ZNF850: variants seen among roughly 807,000 people sequenced by gnomAD.
ZNF850 encodes the protein putative zinc finger protein ENSP00000330994.
Under a neutral mutation model 11.9 loss-of-function variants are expected in ZNF850, and 2 were observed. The ratio of observed to expected loss-of-function variants is 0.17; its 90% CI spans 0.07 to 0.53. The LOEUF (loss-of-function observed/expected upper bound fraction) is 0.53, where lower values mean the gene tolerates loss of function less well. Among genes scored for constraint, ZNF850 ranks in the 20% least tolerant of loss-of-function variants. ZNF850 has a pLI of 0.94. For missense variants in ZNF850, 1,014 were observed against 1,316.4 expected, an observed-to-expected ratio of 0.77 and a Z score of 3.55; for synonymous variants, 381 against 443.0, an observed-to-expected ratio of 0.86 and a Z score of 1.76.
Position 36,751,065 on chromosome 19 carries a change from T to TAAAA in ZNF850, c.236-265_236-262dup, listed in dbSNP as rs34721047. 2.4e-3 allele frequency among the ~76,000 whole-genome samples: 219 copies of TAAAA among 89,388 alleles called. 2 individuals are homozygous for TAAAA. Among genetic ancestry groups the TAAAA allele is most frequent in the African/African-American group, 7.8e-3 (178 of 22,944 alleles). 58.6% of individuals were successfully genotyped at this position (89,388 alleles called of 152,430 possible). A position where few individuals can be genotyped will look rare whatever the true frequency, so the allele number is the denominator to read the frequency against. On this transcript the variant is annotated intron_variant, in intron 4 of 4. Coordinates refer to ENST00000591344, the MANE Select transcript of ZNF850 (RefSeq NM_001193552.2). Reference sequence around the variant, plus strand: ...TGGGCCACAGAGCAAGACCCTGTCTTAAAAAAAAAAAAAAAAAAAAAAAGA... The same window carrying TAAAA: ...TGGGCCACAGAGCAAGACCCTGTCTTAAAAAAAAAAAAAAAAAAAAAAAAAAAGA...
chr19:36,749,554 G>C lies in ZNF850; in HGVS notation c.1486C>G (p.Gln496Glu). ...GGTTTCTCACCAGTGTGGATTCGCT[G>C]GTGTCGATTGCGTGTTGAGCGAAAA... ...FTFRSTRNRH[Q>E]RIHTGEKPYN... The change falls in exon 5 of 5, where the codon CAG becomes GAG. Residue 496 changes from glutamine (Q) to glutamate (E), a missense_variant. Coordinates refer to ENST00000591344, the MANE Select transcript of ZNF850 (RefSeq NM_001193552.2). The C allele has an allele frequency of 6.5e-7, 1 of 1,546,184 alleles. No homozygotes were observed. Among genetic ancestry groups the C allele is most frequent in the Non-Finnish European group, 8.7e-7 (1 of 1,150,942 alleles).
chr19:36,759,428 T>C (rs2040505616), intron 4 of ZNF850, among the ~76,000 whole-genome samples: 1 of 152,078 alleles, frequency 6.6e-6, no homozygotes, highest in African/African-American at 2.4e-5. Context: ...TGAGCTGTGA[T>C]TGTGCCACCG....
rs1391994381 is a variant in ZNF850, at chr19:36,749,818, A to G, written c.1222T>C (p.Leu408=). The G allele has an allele frequency of 6.6e-7, 1 of 1,514,046 alleles. No individual in the cohort carries two copies. The highest frequency in any genetic ancestry group is 8.8e-7 in the Non-Finnish European group (1 of 1,133,458). 93.8% of individuals were successfully genotyped at this position (1,514,046 alleles called of 1,614,324 possible). ...GTGTGAATTGCCTGGTGTCCAATTA[A>G]CCCTGAGCGAAAAGTAAAAGATTTC... ...CGKSFTFRSG[L]IGHQAIHTGE... Residue 408 remains leucine, a synonymous_variant, in exon 5 of 5, where the codon TTA becomes CTA. Transcript: ENST00000591344.
Position 36,748,096 on chromosome 19 carries a change from C to CATAAGGT in ZNF850, c.2937_2943dup (p.Glu982ThrfsTer3), listed in dbSNP as rs753292124. On this transcript the variant is annotated frameshift_variant, in exon 5 of 5. Coordinates refer to ENST00000591344, the MANE Select transcript of ZNF850 (RefSeq NM_001193552.2). LOFTEE classifies it low-confidence loss of function (END_TRUNC). ...AAAGATTTCCCACATTCTTTACATT[C>CATAAGGT]ATAAGGTCTGTCACCGGTATGAATT... 1.9e-6 allele frequency: 3 copies of CATAAGGT among 1,551,054 alleles called. No homozygotes were observed. The South Asian group carries it at 3.5e-5, about 18-fold the overall frequency.
Position 36,744,316 on chromosome 19 carries a change from A to G in ZNF850, c.*3451T>C, listed in dbSNP as rs1340793976. 6.6e-6 allele frequency: 1 copy of G among 152,188 alleles called. No individual in the cohort carries two copies. Among genetic ancestry groups the G allele is most frequent in the African/African-American group, 2.4e-5 (1 of 41,450 alleles). 9.4% of individuals were successfully genotyped at this position (152,188 alleles called of 1,614,324 possible). A position where few individuals can be genotyped will look rare whatever the true frequency, so the allele number is the denominator to read the frequency against. ...TTTTCATAAAAAGAGTTAATTTTTA[A>G]AAGTGAAAAGTAAAAACGTTAAGAG... is the stretch of plus-strand genomic sequence containing the variant. On this transcript the variant is annotated 3_prime_UTR_variant, in exon 5 of 5. Coordinates refer to ENST00000591344, the MANE Select transcript of ZNF850 (RefSeq NM_001193552.2).
chr19:36,761,483 T>TG (rs2040517806), intron 4 of ZNF850, among the ~76,000 whole-genome samples, 160 bp downstream of exon 4: 1 of 151,898 alleles, frequency 6.6e-6, no homozygotes, highest in South Asian at 2.1e-4. Flanking sequence ...AAAGTGTGTG[T>TG]GGGGGTGTAT....
intron 1 of ZNF850, among the ~76,000 whole-genome samples, chr19:36,763,346 G>T (rs2040530660): frequency 6.6e-6 from 1 of 151,684 alleles, no homozygotes; most frequent in Non-Finnish European, 1.5e-5. Flanking sequence ...TTTGAGACCA[G>T]CCTGACCAAC....
intron 4 of ZNF850, among the ~76,000 whole-genome samples, chr19:36,756,836 G>C (rs768134953): frequency 6.6e-6 from 1 of 151,906 alleles, no homozygotes; most frequent in Non-Finnish European, 1.5e-5. Flanking sequence ...GGCTGGTGTC[G>C]AACTCCTGAC....
At chr19:36,766,314 T>C (rs925609415) in intron 1 of ZNF850, among the ~76,000 whole-genome samples, 11 of 152,058 alleles carry the variant, frequency 7.2e-5, no homozygotes, top group African/African-American at 2.4e-4. Context: ...GGGAAAGATA[T>C]GCAATATTGA....
At chr19:36,751,065 T>TAA (rs34721047) in intron 4 of ZNF850, among the ~76,000 whole-genome samples, 18,586 of 89,026 alleles carry the variant, frequency 0.21, 1,910 homozygotes, top group South Asian at 0.28. Context: ...GACCCTGTCT[T>TAA]AAAAAAAAAA....
chr19:36,763,607 A>G (rs1408244121), intron 1 of ZNF850, among the ~76,000 whole-genome samples: 1 of 151,934 alleles, frequency 6.6e-6, no homozygotes, highest in Non-Finnish European at 1.5e-5. Flanking sequence ...GTACTTCCAT[A>G]AAATAGTATA....
chr19:36,743,884 A>G lies in ZNF850; in HGVS notation c.*3883T>C, dbSNP rs1023573233. 32 of 152,348 alleles carry G rather than the reference A, an allele frequency of 2.1e-4. No individual in the cohort carries two copies. Among genetic ancestry groups the G allele is most frequent in the Admixed American group, 1.8e-3 (28 of 15,296 alleles). 9.4% of individuals were successfully genotyped at this position (152,348 alleles called of 1,614,324 possible). ...AGAGGAGAAATATTGAAACTCCTCT[A>G]TTAAAAGGATTTACCGGCCGGGCAC... On this transcript the variant is annotated 3_prime_UTR_variant, in exon 5 of 5. Transcript: ENST00000591344.
chr19:36,749,702 C>A lies in ZNF850; in HGVS notation c.1338G>T (p.Glu446Asp). Residue 446 changes from glutamate to aspartate, a missense_variant, in exon 5 of 5, where the codon GAG (glutamate) becomes GAT (aspartate). Physicochemically the swap from Glu to Asp is conservative, Grantham distance 45. Coordinates refer to ENST00000591344, the MANE Select transcript of ZNF850 (RefSeq NM_001193552.2). ...CACACTCCTTACAATCATAGGGTTT[C>A]TCACCAGTGTGAATTCGCTGATGTT... ...LIQHQRIHTG[E>D]KPYDCKECGK... is the part of the protein sequence containing the mutation. 6.4e-7 allele frequency: 1 copy of A among 1,560,444 alleles called. No individual in the cohort carries two copies. Among genetic ancestry groups the A allele is most frequent in the Non-Finnish European group, 8.7e-7 (1 of 1,154,870 alleles).
In ZNF850 at chr19:36,750,443, A is replaced by G; in HGVS notation, c.597T>C (p.Cys199=). The part of the protein sequence containing the change: ...ETHTGEKLYK[C]KECGKAFHHF... ...GATGAAAGGCCTTCCCACACTCCTTACATTTATAGAGTTTTTCACCAGTAT... is the reference window on the plus strand; with the variant it reads ...GATGAAAGGCCTTCCCACACTCCTTGCATTTATAGAGTTTTTCACCAGTAT... Residue 199 remains cysteine (C), a synonymous_variant, in exon 5 of 5, where the codon TGT becomes TGC. Coordinates refer to ENST00000591344, the MANE Select transcript of ZNF850 (RefSeq NM_001193552.2). The G allele has an allele frequency of 6.5e-7, 1 of 1,536,586 alleles. No homozygotes were observed. The highest frequency in any genetic ancestry group is 2.4e-5 in the East Asian group (1 of 40,928).
chr19:36,750,848 A>C, intron 4 of ZNF850, 44 bp from the exon 5 acceptor site: 1 of 1,448,750 alleles, frequency 6.9e-7, no homozygotes, highest in Non-Finnish European at 9.0e-7. Flanking sequence ...TTCCTTGTTG[A>C]GTAGAAATAA....
chr19:36,743,568 A>G lies in ZNF850; in HGVS notation c.*4199T>C, dbSNP rs996132697. 1.3e-5 allele frequency: 2 copies of G among 152,172 alleles called. No homozygotes were observed. Among genetic ancestry groups the G allele is most frequent in the African/African-American group, 4.8e-5 (2 of 41,452 alleles). 9.4% of individuals were successfully genotyped at this position (152,172 alleles called of 1,614,324 possible). On this transcript the variant is annotated 3_prime_UTR_variant, in exon 5 of 5. Coordinates refer to ENST00000591344, the MANE Select transcript of ZNF850 (RefSeq NM_001193552.2). ...TCATGAAGAAACCATTTCATCTACT[A>G]AAGTAGTTCATCAATGTTACAATCC...
chr19:36,750,541 C>T lies in ZNF850; in HGVS notation c.499G>A (p.Glu167Lys). The part of the protein sequence containing the change: ...LTLHHRIHPG[E>K]KLYKSTECMA... ...CATTCTGTGGATTTATACAGTTTCT[C>T]TCCAGGATGAATCCGATGATGCAGA... is the stretch of plus-strand genomic sequence containing the variant. Residue 167 changes from glutamate to lysine, a missense_variant, in exon 5 of 5, where the codon GAG becomes AAG. Coordinates refer to ENST00000591344, the MANE Select transcript of ZNF850 (RefSeq NM_001193552.2). The T allele has an allele frequency of 6.5e-7, 1 of 1,536,162 alleles. No homozygotes were observed. Among genetic ancestry groups the T allele is most frequent in the Non-Finnish European group, 8.7e-7 (1 of 1,146,916 alleles).
chr19:36,761,565 T>C (rs2145965008), intron 4 of ZNF850, 78 bp downstream of exon 4: 1 of 763,328 alleles, frequency 1.3e-6, no homozygotes, highest in Middle Eastern at 2.3e-4. Flanking sequence ...CCTCAACCAA[T>C]ACCTGTACGG....
At chr19:36,759,749 A>G (rs573981517) in intron 4 of ZNF850, among the ~76,000 whole-genome samples, 4 of 152,308 alleles carry the variant, frequency 2.6e-5, no homozygotes, top group South Asian at 2.1e-4. Flanking sequence ...GTAATGTTCT[A>G]TGGATAAAGG....
Sources: allele counts gnomAD v4.1 joint callset (sites outside exome capture counted in the v4.1 genomes callset), GRCh38; gene constraint gnomAD v4.1.1; transcripts MANE v1.5; gene names NCBI Gene and HGNC (gene_info 2026-07-23, HGNC 2026-07-21).